Variants in ARHGAP29 observed in about 807,000 individuals in gnomAD.
The protein encoded by ARHGAP29 is rho GTPase-activating protein 29.
A neutral mutation model predicts 122.6 loss-of-function variants in ARHGAP29; 43 were observed. The observed-to-expected ratio is 0.35, with a 90% CI of 0.27 to 0.45. The LOEUF is 0.45. ARHGAP29 is among the 20% of genes least tolerant of loss of function. The probability of loss-of-function intolerance (pLI) is 1.00; values close to 1 mark genes in which losing one functional copy is unlikely to be tolerated. For synonymous variants in ARHGAP29, 506 were observed against 497.1 expected (o/e 1.02, Z -0.24); for missense variants, 1,303 against 1,477.2 (o/e 0.88, Z 1.93).
chr1:94,299,670 A>C, the ARHGAP29 span, among the ~76,000 whole-genome samples: 1 of 152,176 alleles, frequency 6.6e-6, no homozygotes, highest in Non-Finnish European at 1.5e-5. Context: ...CCATGTCCAC[A>C]GCACGTTCCA....
the ARHGAP29 span, among the ~76,000 whole-genome samples, chr1:94,295,233 C>T: frequency 3.9e-5 from 6 of 152,200 alleles, no homozygotes; most frequent in East Asian, 5.8e-4. Context: ...GGTGGGTAGC[C>T]GGGTTCACCA....
intron 1 of ARHGAP29, among the ~76,000 whole-genome samples, chr1:94,242,817 A>G (rs910862695): frequency 1.3e-5 from 2 of 152,040 alleles, no homozygotes; most frequent in African/African-American, 4.8e-5. Flanking sequence ...TTCCTATTAA[A>G]ACACAGACTT....
chr1:94,185,502 C>A, intron 16 of ARHGAP29, 21 bp from the exon 17 acceptor site: 1 of 1,572,226 alleles, frequency 6.4e-7, no homozygotes, highest in African/African-American at 1.4e-5. Context: ...AAATAATTTA[C>A]AAAAATTGTA....
chr1:94,189,932 A>G lies in ARHGAP29; in HGVS notation c.1433T>C (p.Val478Ala), dbSNP rs1237551084. 5 of 1,613,040 alleles carry G rather than the reference A, an allele frequency of 3.1e-6. No homozygotes were observed. Among genetic ancestry groups the G allele is most frequent in the Non-Finnish European group, 4.2e-6 (5 of 1,179,352 alleles). Residue 478 changes from valine (V) to alanine (A), a missense_variant, in exon 13 of 23, where the codon GTT becomes GCT. By Grantham distance (64) the Val-to-Ala change is moderately conservative (BLOSUM62 0). Transcript: ENST00000260526. The part of the protein sequence containing the change: ...KATNSTEEEK[V>A]DGNVNKHLNS... ...TCTGTACATTAATTCTCACCCATCA[A>G]CTTTTTCTTCTTCAGTTGAATTTGT... is the stretch of plus-strand genomic sequence containing the variant.
intron 1 of ARHGAP29, 84 bp from the exon 2 acceptor site, chr1:94,231,727 C>A: frequency 1.9e-6 from 2 of 1,041,258 alleles, no homozygotes; most frequent in Non-Finnish European, 1.4e-6. Context: ...AAATATTACA[C>A]TAGATTTTCA....
intron 19 of ARHGAP29, among the ~76,000 whole-genome samples, chr1:94,181,251 G>T (rs1649439894): frequency 6.6e-6 from 1 of 152,184 alleles, no homozygotes; most frequent in Non-Finnish European, 1.5e-5. Flanking sequence ...TAGGTCTTCT[G>T]ATTCTGCTGG....
At chr1:94,251,903 AT>A (rs1654112819) in intron 1 of ARHGAP29, among the ~76,000 whole-genome samples, 1 of 152,070 alleles carries the variant, frequency 6.6e-6, no homozygotes, top group African/African-American at 2.4e-5. Flanking sequence ...TTATTTACAG[AT>A]TTTTTAAATG....
At chr1:94,222,206 T>C (rs547602902) in intron 2 of ARHGAP29, among the ~76,000 whole-genome samples, 1 of 152,300 alleles carries the variant, frequency 6.6e-6, no homozygotes, top group South Asian at 2.1e-4. Context: ...AACAAATCTC[T>C]TGTGTAAAAG....
At chr1:94,247,172 TAAGA>T (rs1204984697) in intron 1 of ARHGAP29, among the ~76,000 whole-genome samples, 1 of 152,040 alleles carries the variant, frequency 6.6e-6, no homozygotes, top group Non-Finnish European at 1.5e-5. Flanking sequence ...GCATCCCCAG[TAAGA>T]AAGACGGACT....
At chr1:94,178,213 G>C in intron 20 of ARHGAP29, 46 bp from the exon 21 acceptor site, 1 of 1,545,330 alleles carries the variant, frequency 6.5e-7, no homozygotes, top group South Asian at 1.3e-5. Context: ...TCCTATTAGA[G>C]TTCCTTGACT....
At chr1:94,261,699 G>T (rs1188831154) in intron 1 of ARHGAP29, among the ~76,000 whole-genome samples, 1 of 152,152 alleles carries the variant, frequency 6.6e-6, no homozygotes, top group East Asian at 1.9e-4. Context: ...GCTAACAAGG[G>T]AGGTGAAAGT....
chr1:94,187,105 G>C (rs1037784178), intron 15 of ARHGAP29, among the ~76,000 whole-genome samples: 1 of 152,164 alleles, frequency 6.6e-6, no homozygotes, highest in African/African-American at 2.4e-5. Flanking sequence ...CTGGGAACCA[G>C]GAACAACAGC....
At chr1:94,237,230 T>A (rs1653333780) in intron 1 of ARHGAP29, among the ~76,000 whole-genome samples, 185 bp downstream of exon 1, 2 of 151,876 alleles carry the variant, frequency 1.3e-5, no homozygotes. Context: ...GCCGGACCCT[T>A]CCCGTGGACT....
At chr1:94,176,443 A>C (rs972365280) in intron 22 of ARHGAP29, among the ~76,000 whole-genome samples, 1 of 152,242 alleles carries the variant, frequency 6.6e-6, no homozygotes, top group South Asian at 2.1e-4. Context: ...TTAAGAGAAC[A>C]ACCTTTGGCA....
At chr1:94,297,734 G>T in the ARHGAP29 span, among the ~76,000 whole-genome samples, 1 of 152,142 alleles carries the variant, frequency 6.6e-6, no homozygotes, top group South Asian at 2.1e-4. Flanking sequence ...AGGAACTTGG[G>T]GGTTCTTGTT....
intron 19 of ARHGAP29, among the ~76,000 whole-genome samples, chr1:94,182,417 C>G (rs1166627339): frequency 6.6e-6 from 1 of 151,936 alleles, no homozygotes; most frequent in Non-Finnish European, 1.5e-5. Flanking sequence ...TGGGAAGTTC[C>G]AAAAACTAAA....
the ARHGAP29 span, among the ~76,000 whole-genome samples, chr1:94,288,907 A>G: frequency 6.6e-6 from 1 of 151,148 alleles, no homozygotes; most frequent in Non-Finnish European, 1.5e-5. Context: ...GTAGCCTTGT[A>G]GTGAAGTCAG....
the ARHGAP29 span, among the ~76,000 whole-genome samples, chr1:94,293,251 C>A: frequency 2.6e-4 from 40 of 152,196 alleles, no homozygotes; most frequent in African/African-American, 8.9e-4. Flanking sequence ...GCGCTGGCAG[C>A]GAGCAAGGCT....
chr1:94,247,703 A>ACACCACCACCACCACCAC lies in ARHGAP29; in HGVS notation c.-32-16078_-32-16061dup, dbSNP rs568949677. 1.5e-3 allele frequency among the ~76,000 whole-genome samples: 221 copies of ACACCACCACCACCACCAC among 151,010 alleles called. 1 individual carries two copies. Among genetic ancestry groups the ACACCACCACCACCACCAC allele is most frequent in the African/African-American group, 5.1e-3 (211 of 41,146 alleles). ...GGCCAAGTGGCAGCCGCAGCCACAG[A>ACACCACCACCACCACCAC]CACCACCACCACCACCACCACAGCG... On this transcript the variant is annotated intron_variant and NMD_transcript_variant, in intron 1 of 25. Transcript: ENST00000552844.
Sources: gnomAD v4.1 joint callset for allele counts (sites outside exome capture counted in the v4.1 genomes callset) on GRCh38, gnomAD v4.1.1 for gene constraint, MANE v1.5 for transcripts, NCBI Gene and HGNC (gene_info 2026-07-23, HGNC 2026-07-21) for gene names.